The following USP49 variants were observed in gnomAD, a reference collection of about 807,000 sequenced individuals.
The protein encoded by USP49 is ubiquitin carboxyl-terminal hydrolase 49.
Under a neutral mutation model 58.6 loss-of-function variants are expected in USP49, and 24 were observed. The observed-to-expected ratio is 0.41, with a 90% CI of 0.30 to 0.58. The LOEUF is 0.58. Among genes scored for constraint, USP49 ranks in the 20% least tolerant of loss-of-function variants. The probability of loss-of-function intolerance (pLI) is 0.30; values close to 1 mark genes in which losing one functional copy is unlikely to be tolerated. For synonymous variants in USP49, 408 were observed against 365.1 expected (o/e 1.12, Z -1.34); for missense variants, 703 against 866.1 (o/e 0.81, Z 2.36).
At chr6:41,863,698 T>C (rs969630241) in intron 3 of USP49, among the ~76,000 whole-genome samples, 6 of 152,140 alleles carry the variant, frequency 3.9e-5, no homozygotes, top group Non-Finnish European at 8.8e-5. Context: ...CACGTGATAG[T>C]GCCTAGCATA....
intron 2 of USP49, among the ~76,000 whole-genome samples, chr6:41,873,523 C>T (rs1473781992): frequency 6.6e-6 from 1 of 152,188 alleles, no homozygotes; most frequent in Non-Finnish European, 1.5e-5. Context: ...GCAACCGTAT[C>T]CATGAAAAGC....
chr6:41,860,679 T>C (rs951348442), intron 3 of USP49, among the ~76,000 whole-genome samples: 2 of 151,974 alleles, frequency 1.3e-5, no homozygotes, highest in African/African-American at 4.8e-5. Context: ...AGCTAATTTT[T>C]TTTTTGTATT....
At chr6:41,893,279 G>A (rs1438477940) in intron 1 of USP49, among the ~76,000 whole-genome samples, 3 of 152,014 alleles carry the variant, frequency 2.0e-5, no homozygotes, top group Admixed American at 1.3e-4. Flanking sequence ...GAAACGTCCC[G>A]CACAAAGCTA....
At position 41,806,084 on chromosome 6, in the gene USP49, C is replaced by G. The variant is rs1293538332; in HGVS notation, c.900G>C (p.Lys300Asn). Residue 300 changes from lysine (K) to asparagine (N), a missense_variant, in exon 4 of 8, where the codon AAG becomes AAC. Physicochemically the swap from Lys to Asn is moderately conservative, Grantham distance 94. Transcript: ENST00000682992. This position sits in a 1 kb window ranked among gnomAD's most constrained non-coding sequence, Gnocchi z 5.9. ...TGGTTGGCTTGCCAGAAAGCTGAGTCTTCCCGTTGGTGGCTTTGGGAAACA... is the reference window on the plus strand; with the variant it reads ...TGGTTGGCTTGCCAGAAAGCTGAGTGTTCCCGTTGGTGGCTTTGGGAAACA... Reference protein sequence around the residue: ...EHLFPKATNGKTQLSGKPTNS... With the variant: ...EHLFPKATNGNTQLSGKPTNS... 30 of 1,613,966 alleles carry G rather than the reference C, an allele frequency of 1.9e-5. No homozygotes were observed. Among genetic ancestry groups the G allele is most frequent in the Non-Finnish European group, 2.5e-5 (30 of 1,180,054 alleles).
intron 3 of USP49, among the ~76,000 whole-genome samples, chr6:41,808,257 G>A (rs898433501): frequency 2.6e-5 from 4 of 151,940 alleles, no homozygotes; most frequent in African/African-American, 9.7e-5. Context: ...AAAAAGCAAC[G>A]AATCTTCCAG....
chr6:41,885,580 C>G (rs1334165110), intron 2 of USP49, among the ~76,000 whole-genome samples: 3 of 152,072 alleles, frequency 2.0e-5, no homozygotes, highest in African/African-American at 7.2e-5. Context: ...AAGTGGATCA[C>G]TTGAGGTCAG....
intron 4 of USP49, 73 bp downstream of exon 4, chr6:41,805,555 C>A: frequency 6.7e-7 from 1 of 1,490,732 alleles, no homozygotes; most frequent in South Asian, 1.3e-5. Flanking sequence ...AGCCCAATAA[C>A]CCGGGGAAGG....
intron 3 of USP49, among the ~76,000 whole-genome samples, chr6:41,820,371 T>TC (rs909925691): frequency 1.8e-4 from 27 of 152,226 alleles, no homozygotes; most frequent in African/African-American, 6.5e-4. Flanking sequence ...CCAGCTTCCC[T>TC]CCCTACCACC....
rs1772908743 is a variant in USP49, at chr6:41,797,616, G to A, written c.1877-893C>T. 5.1e-6 allele frequency: 5 copies of A among 985,698 alleles called. No individual in the cohort carries two copies. The South Asian group carries it at 2.3e-4, about 46-fold the overall frequency. 61.1% of individuals were successfully genotyped at this position (985,698 alleles called of 1,614,324 possible). The stretch of plus-strand genomic sequence containing the variant: ...CATCCCCACACTTCCCATGGCAGGG[G>A]AAGTAGTAAGAACATAGTAAGTGCT... On this transcript the variant is annotated intron_variant, in intron 7 of 7. Transcript: ENST00000682992.
At chr6:41,809,858 A>G (rs1773215586) in intron 3 of USP49, among the ~76,000 whole-genome samples, 1 of 150,674 alleles carries the variant, frequency 6.6e-6, no homozygotes, top group South Asian at 2.1e-4. Context: ...AAATTAAAAA[A>G]TAAAGAAAAT....
chr6:41,871,147 C>A (rs1196288464), intron 3 of USP49, among the ~76,000 whole-genome samples: 1 of 152,188 alleles, frequency 6.6e-6, no homozygotes, highest in East Asian at 1.9e-4. Context: ...ACCAGACACA[C>A]ATCTGCACTT....
intron 2 of USP49, among the ~76,000 whole-genome samples, chr6:41,885,808 G>C (rs957066379): frequency 6.6e-6 from 1 of 151,896 alleles, no homozygotes; most frequent in African/African-American, 2.4e-5. Context: ...GAAAAAAAAA[G>C]AGAGAGTCTC....
intron 3 of USP49, among the ~76,000 whole-genome samples, chr6:41,866,314 CTG>C (rs1253281443): frequency 1.3e-5 from 2 of 152,132 alleles, no homozygotes; most frequent in African/African-American, 4.8e-5. Flanking sequence ...GCTATCAACT[CTG>C]AGATTCCCCT....
chr6:41,888,891 A>G (rs770320646), intron 2 of USP49, among the ~76,000 whole-genome samples: 1 of 152,248 alleles, frequency 6.6e-6, no homozygotes, highest in Non-Finnish European at 1.5e-5. Context: ...GAAGGGAGTC[A>G]GTTTAATTTC....
rs1033704258 is a variant in USP49 at position 41,863,801 on chromosome 6, C to T, written c.-29+7763G>A. Among the ~76,000 whole-genome samples, 8 of 152,248 alleles carry T rather than the reference C, an allele frequency of 5.3e-5. No individual in the cohort carries two copies. In the East Asian group the frequency reaches 1.5e-3, roughly 29 times the overall value. ...TTTATTTTTGATTCACCCTCACCCA[C>T]TTTGAAGTGCAGTGGCATGATCATA... On this transcript the variant is annotated intron_variant, in intron 3 of 7. Coordinates refer to ENST00000682992, the MANE Select transcript of USP49 (RefSeq NM_001286554.2).
At position 41,803,777 on chromosome 6, in the gene USP49, C is replaced by T; in HGVS notation, c.1561+29G>A. ...CTGATATTCCAATTATTCTTCCCCACTACGCCCCCTCCTCCACACAGCACT... is the reference window on the plus strand; with the variant it reads ...CTGATATTCCAATTATTCTTCCCCATTACGCCCCCTCCTCCACACAGCACT... On this transcript the variant is annotated intron_variant, in intron 5 of 7. Coordinates refer to ENST00000682992, the MANE Select transcript of USP49 (RefSeq NM_001286554.2). The surrounding 1 kb of genome is among the most constrained non-coding windows in gnomAD (Gnocchi z 4.1). 1 of 1,611,764 alleles carries T rather than the reference C, an allele frequency of 6.2e-7. No homozygotes were observed.
chr6:41,861,209 C>T (rs913750839), intron 3 of USP49, among the ~76,000 whole-genome samples: 1 of 151,838 alleles, frequency 6.6e-6, no homozygotes, highest in Non-Finnish European at 1.5e-5. Flanking sequence ...TTTGGGAGGC[C>T]GAGGCAGGCG....
In USP49 at chr6:41,793,518, C is replaced by G. The variant is rs1463708273; in HGVS notation, c.*3015G>C. The G allele has an allele frequency of 1.3e-5, 2 of 152,898 alleles. No individual in the cohort carries two copies. Among genetic ancestry groups the G allele is most frequent in the Non-Finnish European group, 2.9e-5 (2 of 68,664 alleles). 9.5% of individuals were successfully genotyped at this position (152,898 alleles called of 1,614,324 possible). On this transcript the variant is annotated 3_prime_UTR_variant, in exon 8 of 8. Coordinates refer to ENST00000682992, the MANE Select transcript of USP49 (RefSeq NM_001286554.2). The stretch of plus-strand genomic sequence containing the variant: ...TTGTGATCCGCCCTCCTCGGCCTCC[C>G]AAAGTGCTGGGATTACAGGCATGAG...
At chr6:41,802,452 A>ATTTTTTTTTTTTTTTTT (rs1561902624) in intron 5 of USP49, among the ~76,000 whole-genome samples, 4 of 63,830 alleles carry the variant, frequency 6.3e-5, no homozygotes, top group African/African-American at 7.3e-5. Flanking sequence ...TTATTTATTT[A>ATTTTTTTTTTTTTTTTT]TTTATTTATT....
Sources: allele counts gnomAD v4.1 joint callset (sites outside exome capture counted in the v4.1 genomes callset), GRCh38; gene constraint gnomAD v4.1.1; non-coding constraint Gnocchi (gnomAD v3.1); transcripts MANE v1.5; gene names NCBI Gene and HGNC (gene_info 2026-07-23, HGNC 2026-07-21).